The following FHDC1 variants were observed in gnomAD, a reference collection of about 807,000 sequenced individuals.
The protein encoded by FHDC1 is FH2 domain-containing protein 1.
In FHDC1, 25 loss-of-function variants were observed where a neutral mutation model predicts 52.6. The observed-to-expected ratio is 0.48, with a 90% CI of 0.35 to 0.66. The LOEUF is 0.66. FHDC1 is among the 30% of genes least tolerant of loss of function. The pLI is 0.01. For missense variants in FHDC1, 1,459 were observed against 1,452.8 expected, an observed-to-expected ratio of 1.00 and a Z score of -0.07; for synonymous variants, 616 against 581.5, an observed-to-expected ratio of 1.06 and a Z score of -0.85.
At chr4:152,920,408 T>C in the FHDC1 span, among the ~76,000 whole-genome samples, 1 of 152,144 alleles carries the variant, frequency 6.6e-6, no homozygotes, top group Non-Finnish European at 1.5e-5. Context: ...TTAAAAACCT[T>C]GATGCCAATA....
chr4:152,971,698 G>A (rs1740642368), intron 10 of FHDC1, among the ~76,000 whole-genome samples: 2 of 152,184 alleles, frequency 1.3e-5, no homozygotes, highest in African/African-American at 4.8e-5. Flanking sequence ...CTAGCCATTG[G>A]GACCCATCAG....
At chr4:152,967,651 C>T (rs1001643365) in intron 9 of FHDC1, among the ~76,000 whole-genome samples, 6 of 152,120 alleles carry the variant, frequency 3.9e-5, no homozygotes, top group Admixed American at 2.0e-4. Flanking sequence ...TCCCGGAAGC[C>T]GCTGGCATTT....
the FHDC1 span, chr4:152,928,024 C>T: frequency 6.9e-7 from 1 of 1,457,280 alleles, no homozygotes; most frequent in Non-Finnish European, 9.6e-7. Flanking sequence ...TCAGAAACAC[C>T]TCCCTGAGTG....
rs1332300436 is a variant in FHDC1 at position 152,967,980 on chromosome 4, A to C, written c.1101A>C (p.Arg367Ser). The stretch of plus-strand genomic sequence containing the variant: ...CCCACTCTCCCCTTTCTTCTTTTAG[A>C]TTATCTCTGGAGAACACGGAGGCAG... ...EKLHHVQKTA[R>S]LSLENTEAEL... Residue 367 changes from arginine to serine, a missense_variant and splice_region_variant, in exon 10 of 12, where the codon AGA becomes AGC. Arg to Ser is a moderately radical substitution (Grantham distance 110). Around this residue, in one of 3 missense-constraint regions of FHDC1, gnomAD observed 513 missense variants for 581.5 expected, o/e 0.88. Transcript: ENST00000511601. The C allele has an allele frequency of 6.2e-7, 1 of 1,610,838 alleles. No individual in the cohort carries two copies. The highest frequency in any genetic ancestry group is 2.2e-5 in the East Asian group (1 of 44,816).
At chr4:152,923,555 A>G in the FHDC1 span, among the ~76,000 whole-genome samples, 57,662 of 151,944 alleles carry the variant, frequency 0.38, 11,995 homozygotes, top group Admixed American at 0.5. Context: ...CCCCAAGTCA[A>G]TCCTAAGCCA....
In FHDC1 at chr4:152,979,536, A is replaced by C. The variant is rs1480518684; in HGVS notation, c.*2813A>C. 1 of 152,236 alleles carries C rather than the reference A, an allele frequency of 6.6e-6. No homozygotes were observed. Among genetic ancestry groups the C allele is most frequent in the Non-Finnish European group, 1.5e-5 (1 of 68,042 alleles). 9.4% of individuals were successfully genotyped at this position (152,236 alleles called of 1,614,324 possible). ...TTTTATCGGTAGTAAGCTTGGAAAA[A>C]TAATTTAAGAATACAATGGAGAAAT... is the stretch of plus-strand genomic sequence containing the variant. On this transcript the variant is annotated 3_prime_UTR_variant, in exon 12 of 12. Coordinates refer to ENST00000511601, the MANE Select transcript of FHDC1 (RefSeq NM_001371116.1).
intron 1 of FHDC1, among the ~76,000 whole-genome samples, chr4:152,936,862 C>T (rs535446020): frequency 3.3e-5 from 5 of 152,406 alleles, no homozygotes; most frequent in African/African-American, 9.6e-5. Flanking sequence ...AGCCGCGGCG[C>T]CGCGCTCGGT....
chr4:152,950,778 A>G (rs1739901986), intron 2 of FHDC1, among the ~76,000 whole-genome samples: 1 of 152,250 alleles, frequency 6.6e-6, no homozygotes, highest in Non-Finnish European at 1.5e-5. Flanking sequence ...TCACAATGCA[A>G]GCACCATGCT....
At chr4:152,958,466 G>A (rs73863324) in intron 4 of FHDC1, among the ~76,000 whole-genome samples, 6,141 of 151,666 alleles carry the variant, frequency 0.04, 423 homozygotes, top group African/African-American at 0.14. Flanking sequence ...AATTAAATAC[G>A]GTCTTTCCAT....
intron 10 of FHDC1, among the ~76,000 whole-genome samples, chr4:152,968,394 C>T (rs1314003113): frequency 2.0e-5 from 3 of 151,790 alleles, no homozygotes; most frequent in East Asian, 1.9e-4. Flanking sequence ...GGTGCGATCT[C>T]GGCAAACTGC....
Position 152,963,084 on chromosome 4 carries a change from C to A in FHDC1, c.983C>A (p.Thr328Lys). The change falls in exon 8 of 12, where the codon ACA (threonine) becomes AAA (lysine). Residue 328 changes from threonine (T) to lysine (K), a missense_variant. Physicochemically the swap from Thr to Lys is moderately conservative, Grantham distance 78. Transcript: ENST00000511601. The part of the protein sequence containing the change: ...KLSSLLKLAD[T>K]KANKPGMNLL... ...TCTTCTTTGCTCAAATTGGCAGACA[C>A]AAAAGCAAACAAACCTGGGATGAAT... The A allele has an allele frequency of 6.2e-7, 1 of 1,613,950 alleles. No individual in the cohort carries two copies.
intron 8 of FHDC1, 22 bp from the exon 9 acceptor site, chr4:152,964,883 T>A: frequency 6.3e-7 from 1 of 1,595,228 alleles, no homozygotes; most frequent in Non-Finnish European, 8.6e-7. Context: ...CATAGTGAGA[T>A]AAAATTCTGT....
At position 152,976,437 on chromosome 4, in the gene FHDC1, C is replaced by T. The variant is rs781346799; in HGVS notation, c.3146C>T (p.Thr1049Ile). The change falls in exon 12 of 12, where the codon ACA (threonine) becomes ATA (isoleucine). Residue 1049 changes from threonine (T) to isoleucine (I), a missense_variant. Physicochemically the swap from Thr to Ile is moderately conservative, Grantham distance 89 (BLOSUM62 -1). This residue lies in a region of FHDC1 where 939 missense variants were observed against 854.5 expected (regional missense o/e 1.10). Transcript: ENST00000511601. Reference sequence around the variant, plus strand: ...GCCTCCTCCTCTCGAAGCATGAGAACAGATCTTCCTCCCGTGGCCAAAGCC... The same window carrying T: ...GCCTCCTCCTCTCGAAGCATGAGAATAGATCTTCCTCCCGTGGCCAAAGCC... ...TVASSSRSMR[T>I]DLPPVAKAPG... 2 of 1,613,734 alleles carry T rather than the reference C, an allele frequency of 1.2e-6. No homozygotes were observed. The highest frequency in any genetic ancestry group is 1.7e-6 in the Non-Finnish European group (2 of 1,180,038).
At position 152,963,765 on chromosome 4, in the gene FHDC1, CTTTGTTTTTTT is replaced by C. The variant is rs1216496057; in HGVS notation, c.1029+639_1029+649del. 3.2e-3 allele frequency among the ~76,000 whole-genome samples: 165 copies of C among 50,916 alleles called. 1 individual carries two copies. The highest frequency in any genetic ancestry group is 0.011 in the African/African-American group (152 of 14,012). The allele number at this position is 50,916 out of a possible 152,430, so 33.4% of individuals were successfully genotyped here. ...GTTTGGAGTCTGATCCTATCCATTG[CTTTGTTTTTTT>C]TTTTTTTTTTTTTTTTTTTTTTTTT... On this transcript the variant is annotated intron_variant, in intron 8 of 11. Coordinates refer to ENST00000511601, the MANE Select transcript of FHDC1 (RefSeq NM_001371116.1).
intron 1 of FHDC1, among the ~76,000 whole-genome samples, chr4:152,939,934 T>C (rs1356288849): frequency 1.3e-5 from 2 of 152,230 alleles, no homozygotes; most frequent in African/African-American, 4.8e-5. Flanking sequence ...CCATTGTCCC[T>C]ACTGGCAGTT....
In FHDC1 at chr4:152,978,743, G is replaced by T. The variant is rs547272817; in HGVS notation, c.*2020G>T. ...AGATGGATTTAGGCAAATATGATGCGTTTGTGGGGAATCCACGTGGTTGAC... is the reference window on the plus strand; with the variant it reads ...AGATGGATTTAGGCAAATATGATGCTTTTGTGGGGAATCCACGTGGTTGAC... On this transcript the variant is annotated 3_prime_UTR_variant, in exon 12 of 12. Coordinates refer to ENST00000511601, the MANE Select transcript of FHDC1 (RefSeq NM_001371116.1). 1 of 152,062 alleles carries T rather than the reference G, an allele frequency of 6.6e-6. No homozygotes were observed. Among genetic ancestry groups the T allele is most frequent in the African/African-American group, 2.4e-5 (1 of 41,382 alleles). The allele number at this position is 152,062 out of a possible 1,614,324, so 9.4% of individuals were successfully genotyped here.
chr4:152,955,535 G>A (rs999648959), intron 4 of FHDC1, among the ~76,000 whole-genome samples: 3 of 152,092 alleles, frequency 2.0e-5, no homozygotes, highest in Non-Finnish European at 2.9e-5. Flanking sequence ...TGTCGCCCAG[G>A]CTGGAGTGCA....
upstream of FHDC1, among the ~76,000 whole-genome samples, chr4:152,935,310 A>G (rs1468155525): frequency 2.0e-5 from 3 of 152,192 alleles, no homozygotes; most frequent in Non-Finnish European, 4.4e-5. Flanking sequence ...TTGGTCGGTT[A>G]TCTAGGATCA....
At chr4:152,918,969 A>G in the FHDC1 span, among the ~76,000 whole-genome samples, 2 of 152,264 alleles carry the variant, frequency 1.3e-5, no homozygotes, top group Non-Finnish European at 2.9e-5. Flanking sequence ...TCAGGCTTCA[A>G]AGAGCTTGGA....
Sources: gnomAD v4.1 joint callset for allele counts (sites outside exome capture counted in the v4.1 genomes callset) on GRCh38, gnomAD v4.1.1 for gene constraint, gnomAD v4.1.1 regional missense constraint, MANE v1.5 for transcripts, NCBI Gene and HGNC (gene_info 2026-07-23, HGNC 2026-07-21) for gene names.